The following RNF24 variants were observed in gnomAD, a reference collection of about 807,000 sequenced individuals.
The protein encoded by RNF24 is ring finger protein 24.
RNF24 carries 14 observed loss-of-function variants against 20.0 expected under a neutral mutation model. That is an observed-to-expected ratio of 0.70 (90% CI 0.46 to 1.10). The LOEUF is 1.10. Among genes scored for constraint, RNF24 ranks in the 50% least tolerant of loss-of-function variants. The pLI, the probability that RNF24 is intolerant of heterozygous loss-of-function variation, is 0.00. For synonymous variants in RNF24, 45 were observed against 61.1 expected (o/e 0.74, Z 1.23); for missense variants, 124 against 177.6 (o/e 0.70, Z 1.71).
intron 1 of RNF24, among the ~76,000 whole-genome samples, chr20:4,003,131 G>A (rs957011022): frequency 1.3e-5 from 2 of 152,036 alleles, no homozygotes; most frequent in Non-Finnish European, 1.5e-5. Flanking sequence ...CACGGCGCCC[G>A]GCTAATTTTT....
In RNF24 at chr20:3,934,278, A is replaced by G. The variant is rs2090863732; in HGVS notation, c.309-77T>C. 1 of 1,447,970 alleles carries G rather than the reference A, an allele frequency of 6.9e-7. No homozygotes were observed. 89.7% of individuals were successfully genotyped at this position (1,447,970 alleles called of 1,614,324 possible). On this transcript the variant is annotated intron_variant, in intron 5 of 5. Transcript: ENST00000358395. The surrounding 1 kb of genome is among the most constrained non-coding windows in gnomAD (Gnocchi z 4.0). ...CGGCTGTTCTGCTGAACATCTCCATATCTGTCACCCAGACAACGTCTGCTG... is the reference window on the plus strand; with the variant it reads ...CGGCTGTTCTGCTGAACATCTCCATGTCTGTCACCCAGACAACGTCTGCTG...
intron 3 of RNF24, among the ~76,000 whole-genome samples, chr20:3,946,666 C>T (rs2091021239): frequency 7.0e-6 from 1 of 142,104 alleles, no homozygotes; most frequent in Admixed American, 7.3e-5. Flanking sequence ...TGCCACTGCA[C>T]TCCAGTCTGG....
chr20:4,014,739 GCACA>G (rs146278311), intron 1 of RNF24, among the ~76,000 whole-genome samples: 6,771 of 143,678 alleles, frequency 0.047, 321 homozygotes, highest in African/African-American at 0.12. Context: ...ACTTGAATGC[GCACA>G]CACACACACA....
chr20:3,989,371 G>C (rs1452000261), intron 1 of RNF24, among the ~76,000 whole-genome samples: 1 of 151,884 alleles, frequency 6.6e-6, no homozygotes, highest in East Asian at 1.9e-4. Context: ...GGCGCCTGTA[G>C]TCCCAGGTAC....
At chr20:4,010,183 A>G (rs1395153141) in intron 1 of RNF24, among the ~76,000 whole-genome samples, 1 of 151,480 alleles carries the variant, frequency 6.6e-6, no homozygotes, top group Non-Finnish European at 1.5e-5. Flanking sequence ...GACCAGCCTG[A>G]CCAACATAGT....
At chr20:3,981,719 C>T (rs1280760717) in intron 1 of RNF24, among the ~76,000 whole-genome samples, 2 of 152,158 alleles carry the variant, frequency 1.3e-5, no homozygotes, top group East Asian at 3.9e-4. Flanking sequence ...ATTAGCATAC[C>T]ACTAATTCAT....
chr20:4,015,008 G>A (rs1374342721), intron 1 of RNF24: 1 of 152,306 alleles, frequency 6.6e-6, no homozygotes. Context: ...ACCCCCCAAG[G>A]CGCGCGCCCA....
At position 3,930,373 on chromosome 20, in the gene RNF24, A is replaced by G. The variant is rs553348701; in HGVS notation, c.*3690T>C. ...GGCTGAGGTTCTGTTCCTATCAATC[A>G]TGATGGCAGAGGAGCCCATGTAACC... On this transcript the variant is annotated 3_prime_UTR_variant, in exon 6 of 6. Transcript: ENST00000358395. 1 of 152,324 alleles carries G rather than the reference A, an allele frequency of 6.6e-6. No individual in the cohort carries two copies. Among genetic ancestry groups the G allele is most frequent in the East Asian group, 1.9e-4 (1 of 5,172 alleles). The allele number at this position is 152,324 out of a possible 1,614,324, so 9.4% of individuals were successfully genotyped here. A position where few individuals can be genotyped will look rare whatever the true frequency, so the allele number is the denominator to read the frequency against.
In RNF24 at chr20:3,988,194, T is replaced by C. The variant is rs773387250; in HGVS notation, c.-7-24170A>G. Among the ~76,000 whole-genome samples the C allele has an allele frequency of 2.6e-5, 4 of 152,040 alleles. No individual in the cohort carries two copies. The South Asian group carries it at 8.3e-4, about 32-fold the overall frequency. ...TAAAAATTAGCCAGGTGTGATGATA[T>C]GCACCTGTGATCCCAGATACTCAGG... On this transcript the variant is annotated intron_variant, in intron 1 of 5. Transcript: ENST00000358395.
chr20:3,974,335 C>T (rs138600163), intron 1 of RNF24: 28 of 1,550,708 alleles, frequency 1.8e-5, no homozygotes, highest in Non-Finnish European at 2.4e-5. Flanking sequence ...TACTTACCCC[C>T]CTAAGACCGG....
rs1340304323 is a variant in RNF24 at position 3,931,134 on chromosome 20, T to G, written c.*2929A>C. 1.3e-5 allele frequency: 2 copies of G among 152,266 alleles called. No individual in the cohort carries two copies. The highest frequency in any genetic ancestry group is 4.8e-5 in the African/African-American group (2 of 41,452). 9.4% of individuals were successfully genotyped at this position (152,266 alleles called of 1,614,324 possible). On this transcript the variant is annotated 3_prime_UTR_variant, in exon 6 of 6. Transcript: ENST00000358395. The stretch of plus-strand genomic sequence containing the variant: ...TTGTACCCCTAGCAACTACTAATGG[T>G]TCAGCCACCCGTGGAGTCCAGTTGG...
intron 2 of RNF24, among the ~76,000 whole-genome samples, chr20:3,962,352 T>C (rs1328761798): frequency 1.3e-5 from 2 of 152,130 alleles, no homozygotes; most frequent in East Asian, 1.9e-4. Context: ...AGAACCCATC[T>C]CAAATAATAA....
intron 1 of RNF24, among the ~76,000 whole-genome samples, chr20:3,998,430 C>T (rs1169114021): frequency 6.6e-6 from 1 of 151,956 alleles, no homozygotes; most frequent in Non-Finnish European, 1.5e-5. Flanking sequence ...CAAAAATTAG[C>T]CAGGCATGGT....
At chr20:4,007,076 AAG>A (rs1418559539) in intron 1 of RNF24, among the ~76,000 whole-genome samples, 1 of 152,274 alleles carries the variant, frequency 6.6e-6, no homozygotes, top group Non-Finnish European at 1.5e-5. Flanking sequence ...TAAGAAAAGA[AAG>A]AGGCAGAGCA....
At position 3,934,228 on chromosome 20, in the gene RNF24, A is replaced by G; in HGVS notation, c.309-27T>C. On this transcript the variant is annotated intron_variant, in intron 5 of 5. Transcript: ENST00000358395. The surrounding 1 kb of genome is among the most constrained non-coding windows in gnomAD (Gnocchi z 4.0). ...TGCAGAAGGAGACACCACAGGGGGA[A>G]GATGTCAGTCCTATGCTCATGGCAC... 6.3e-7 allele frequency: 1 copy of G among 1,599,524 alleles called. No homozygotes were observed. Among genetic ancestry groups the G allele is most frequent in the South Asian group, 1.1e-5 (1 of 90,018 alleles).
intron 1 of RNF24, among the ~76,000 whole-genome samples, chr20:4,014,804 G>A (rs1381850290): frequency 3.3e-5 from 5 of 150,842 alleles, no homozygotes; most frequent in African/African-American, 9.8e-5. Context: ...AACAAAGGAG[G>A]GTCCTTAATT....
intron 4 of RNF24, among the ~76,000 whole-genome samples, chr20:3,935,491 C>A (rs1042379495): frequency 6.6e-6 from 1 of 152,200 alleles, no homozygotes; most frequent in African/African-American, 2.4e-5. Flanking sequence ...TGAAAGGGAC[C>A]GCTCAAGCCC....
At chr20:3,962,365 A>G (rs2091211242) in intron 2 of RNF24, among the ~76,000 whole-genome samples, 1 of 152,176 alleles carries the variant, frequency 6.6e-6, no homozygotes. Flanking sequence ...AATAATAATA[A>G]TAATAACAAT....
chr20:3,937,806 T>C (rs2090909218), intron 4 of RNF24, among the ~76,000 whole-genome samples: 1 of 152,232 alleles, frequency 6.6e-6, no homozygotes, highest in Non-Finnish European at 1.5e-5. Flanking sequence ...TTTTCATGGC[T>C]GAATAATATT....
Sources: allele counts gnomAD v4.1 joint callset (sites outside exome capture counted in the v4.1 genomes callset), GRCh38; gene constraint gnomAD v4.1.1; non-coding constraint Gnocchi (gnomAD v3.1); transcripts MANE v1.5; gene names NCBI Gene and HGNC (gene_info 2026-07-23, HGNC 2026-07-21).